SHISA9: variants seen among roughly 807,000 people sequenced by gnomAD.
SHISA9 encodes the protein shisa family member 9, also known as protein shisa-9.
Under a neutral mutation model 38.0 loss-of-function variants are expected in SHISA9, and 13 were observed. That is an observed-to-expected ratio of 0.34 (90% CI 0.22 to 0.54). The LOEUF (loss-of-function observed/expected upper bound fraction) is 0.54, where lower values mean the gene tolerates loss of function less well. SHISA9 is among the 20% of genes least tolerant of loss of function. The pLI is 0.91. For synonymous variants in SHISA9, 275 were observed against 242.0 expected (o/e 1.14, Z -1.27); for missense variants, 538 against 575.8 (o/e 0.93, Z 0.67).
At chr16:13,248,977 C>T in the SHISA9 span, among the ~76,000 whole-genome samples, 5 of 152,212 alleles carry the variant, frequency 3.3e-5, no homozygotes, top group South Asian at 4.2e-4. Flanking sequence ...GCCTATGAGT[C>T]GAGTCATTCA....
At chr16:12,910,535 T>C (rs141450917) in intron 1 of SHISA9, 4 of 985,456 alleles carry the variant, frequency 4.1e-6, no homozygotes, top group Non-Finnish European at 4.8e-6. Flanking sequence ...CATAAGAAAG[T>C]ACTGGTTCTA....
intron 3 of SHISA9, among the ~76,000 whole-genome samples, chr16:13,210,449 TA>T (rs140200604): frequency 0.027 from 4,057 of 151,906 alleles, 75 homozygotes; most frequent in Admixed American, 0.037. Flanking sequence ...TTAATTTTAT[TA>T]AAAAAAAATT....
At chr16:13,518,585 C>G in the SHISA9 span, among the ~76,000 whole-genome samples, 1 of 152,114 alleles carries the variant, frequency 6.6e-6, no homozygotes, top group East Asian at 1.9e-4. Context: ...TTGTTCCTTC[C>G]CAACCCACCT....
At chr16:13,550,212 C>G in the SHISA9 span, among the ~76,000 whole-genome samples, 1 of 151,914 alleles carries the variant, frequency 6.6e-6, no homozygotes, top group Non-Finnish European at 1.5e-5. Flanking sequence ...AGGGATGAGG[C>G]ATTCACATCC....
intron 2 of SHISA9, among the ~76,000 whole-genome samples, chr16:13,132,065 T>C (rs1333282758): frequency 6.6e-6 from 1 of 152,214 alleles, no homozygotes; most frequent in African/African-American, 2.4e-5. Context: ...CACAGGACAA[T>C]GTGTCTGTTT....
intron 4 of SHISA9, among the ~76,000 whole-genome samples, chr16:13,218,010 AGAAG>A (rs1292243750): frequency 1.7e-4 from 22 of 132,858 alleles, no homozygotes; most frequent in South Asian, 1.5e-3. Context: ...AACCTGAGAG[AGAAG>A]GAAGGAAGGA....
the SHISA9 span, among the ~76,000 whole-genome samples, chr16:13,400,817 C>G: frequency 6.6e-6 from 1 of 152,236 alleles, no homozygotes; most frequent in Non-Finnish European, 1.5e-5. Context: ...TAAATGTCAG[C>G]TGCACAGAGC....
chr16:13,019,884 CTTCTTTCTTTCT>C (rs1166778591), intron 2 of SHISA9, among the ~76,000 whole-genome samples: 324 of 20,780 alleles, frequency 0.016, 4 homozygotes, highest in Middle Eastern at 0.031. Context: ...CCCTCCCTCC[CTTCTTTCTTTCT>C]TTCTTTCTTT....
At chr16:13,204,134 TTATCTATC>T (rs60916250) in intron 3 of SHISA9, among the ~76,000 whole-genome samples, 1,640 of 149,336 alleles carry the variant, frequency 0.011, 23 homozygotes, top group African/African-American at 0.03. Context: ...TAACTACCTA[TTATCTATC>T]TATCTATCTA....
the SHISA9 span, among the ~76,000 whole-genome samples, chr16:13,411,317 G>T: frequency 6.6e-6 from 1 of 152,212 alleles, no homozygotes. Context: ...ACTAGACTCT[G>T]CAAGAAGCTC....
chr16:13,261,521 C>A, the SHISA9 span, among the ~76,000 whole-genome samples: 2 of 152,146 alleles, frequency 1.3e-5, no homozygotes, highest in African/African-American at 4.8e-5. Flanking sequence ...AGCACCCCCA[C>A]CAGCTCTTTC....
chr16:13,114,069 G>C (rs571115709), intron 2 of SHISA9, among the ~76,000 whole-genome samples: 2 of 152,146 alleles, frequency 1.3e-5, no homozygotes, highest in Non-Finnish European at 2.9e-5. Flanking sequence ...GTTGATCTAA[G>C]AGCACAGAGG....
chr16:13,027,531 G>A (rs906099318), intron 2 of SHISA9, among the ~76,000 whole-genome samples: 1 of 152,098 alleles, frequency 6.6e-6, no homozygotes, highest in African/African-American at 2.4e-5. Context: ...CTAAAAGCTG[G>A]AAACAACCCA....
chr16:13,172,740 G>T (rs1231073608), intron 2 of SHISA9, among the ~76,000 whole-genome samples: 7 of 129,188 alleles, frequency 5.4e-5, no homozygotes, highest in South Asian at 2.5e-4. Flanking sequence ...TTATCTTGAT[G>T]ATTTTTTTTT....
At chr16:13,217,478 T>C (rs898900721) in intron 4 of SHISA9, among the ~76,000 whole-genome samples, 2 of 152,162 alleles carry the variant, frequency 1.3e-5, no homozygotes, top group Non-Finnish European at 2.9e-5. Context: ...TAGACTGCAG[T>C]GTAATCTCTC....
the SHISA9 span, among the ~76,000 whole-genome samples, chr16:13,276,311 G>A: frequency 1.4e-5 from 2 of 142,670 alleles, no homozygotes; most frequent in African/African-American, 3.1e-5. Context: ...TTATCCACTC[G>A]TTGACTGACA....
chr16:13,368,673 A>T, the SHISA9 span, among the ~76,000 whole-genome samples: 1 of 151,930 alleles, frequency 6.6e-6, no homozygotes, highest in African/African-American at 2.4e-5. Flanking sequence ...AGAAAAAAAC[A>T]GGCTAATTAA....
In SHISA9 at chr16:12,902,597, C is replaced by A; in HGVS notation, c.533C>A (p.Ala178Glu). ...TTCACCAAGCTGGGGCTGGAGAAAG[C>A]GCACCGGCCCCAAAGGGAGCACATG... is the stretch of plus-strand genomic sequence containing the variant. ...GIFTKLGLEKAHRPQREHMSR... is the reference protein window; with the variant it reads ...GIFTKLGLEKEHRPQREHMSR... The change falls in exon 1 of 5, where the codon GCG (alanine) becomes GAG (glutamate). Residue 178 changes from alanine (A) to glutamate (E), a missense_variant. Ala to Glu is a moderately radical substitution (Grantham distance 107). Transcript: ENST00000558583. 6.4e-7 allele frequency: 1 copy of A among 1,550,600 alleles called. No individual in the cohort carries two copies. The highest frequency in any genetic ancestry group is 1.4e-5 in the African/African-American group (1 of 73,166).
intron 2 of SHISA9, among the ~76,000 whole-genome samples, chr16:13,027,875 C>T (rs926919933): frequency 1.2e-4 from 16 of 138,296 alleles, no homozygotes; most frequent in Admixed American, 1.1e-3. Flanking sequence ...TGTAGTGAGC[C>T]GAGACCACGC....
Sources: gnomAD v4.1 joint callset for allele counts (sites outside exome capture counted in the v4.1 genomes callset) on GRCh38, gnomAD v4.1.1 for gene constraint, MANE v1.5 for transcripts, NCBI Gene and HGNC (gene_info 2026-07-23, HGNC 2026-07-21) for gene names.